The following SLC25A21 variants were observed in gnomAD, a reference collection of about 807,000 sequenced individuals.
SLC25A21 encodes mitochondrial 2-oxodicarboxylate carrier.
A neutral mutation model predicts 43.8 loss-of-function variants in SLC25A21; 47 were observed. That is an observed-to-expected ratio of 1.07 (90% CI 0.85 to 1.37). The LOEUF (loss-of-function observed/expected upper bound fraction) is 1.37. SLC25A21 is among the 40% of genes most tolerant of loss of function. The pLI is 0.00. For missense variants in SLC25A21, 352 were observed against 350.2 expected, an observed-to-expected ratio of 1.00 and a Z score of -0.04; for synonymous variants, 131 against 121.3, an observed-to-expected ratio of 1.08 and a Z score of -0.52.
At chr14:36,943,970 AATTT>A (rs1359876740) in intron 1 of SLC25A21, among the ~76,000 whole-genome samples, 1 of 152,150 alleles carries the variant, frequency 6.6e-6, no homozygotes, top group Non-Finnish European at 1.5e-5. Context: ...ATCACCACTA[AATTT>A]ATTAGAGGAG....
At chr14:36,842,351 G>C (rs1390615986) in intron 2 of SLC25A21, among the ~76,000 whole-genome samples, 1 of 152,150 alleles carries the variant, frequency 6.6e-6, no homozygotes, top group Non-Finnish European at 1.5e-5. Context: ...AGCCTTCCAA[G>C]AGATGACTTT....
At chr14:37,023,879 C>G (rs938660594) in intron 1 of SLC25A21, among the ~76,000 whole-genome samples, 1 of 151,816 alleles carries the variant, frequency 6.6e-6, no homozygotes, top group Non-Finnish European at 1.5e-5. Flanking sequence ...TCCAGCTTAG[C>G]CTCTGAGCTC....
intron 1 of SLC25A21, among the ~76,000 whole-genome samples, chr14:37,055,503 C>T (rs985787983): frequency 2.0e-5 from 3 of 152,110 alleles, no homozygotes; most frequent in African/African-American, 2.4e-5. Context: ...AGAAGAGACA[C>T]CATAGAACTT....
At chr14:36,852,418 C>T (rs1484289597) in intron 2 of SLC25A21, among the ~76,000 whole-genome samples, 2 of 152,154 alleles carry the variant, frequency 1.3e-5, no homozygotes, top group Non-Finnish European at 2.9e-5. Context: ...CCTGTTCACA[C>T]TTCATGTTGT....
chr14:37,036,574 G>A (rs117007342), intron 1 of SLC25A21, among the ~76,000 whole-genome samples: 2,178 of 152,142 alleles, frequency 0.014, 22 homozygotes, highest in Admixed American at 0.026. Flanking sequence ...GGGAGGACCC[G>A]TCTCTATTAA....
intron 1 of SLC25A21, among the ~76,000 whole-genome samples, chr14:36,961,662 G>T (rs1354687284): frequency 6.6e-6 from 1 of 152,050 alleles, no homozygotes; most frequent in Non-Finnish European, 1.5e-5. Context: ...ATGGCAACTG[G>T]GCTCTCCAGA....
intron 1 of SLC25A21, among the ~76,000 whole-genome samples, chr14:36,922,137 T>TAAAAA (rs564666171): frequency 0.11 from 14,387 of 130,796 alleles, 1,403 homozygotes; most frequent in African/African-American, 0.26. Flanking sequence ...AGATTCTGCC[T>TAAAAA]AAAAAAAAAA....
intron 1 of SLC25A21, among the ~76,000 whole-genome samples, chr14:36,893,796 A>C (rs1891157653): frequency 6.6e-6 from 1 of 152,194 alleles, no homozygotes; most frequent in Admixed American, 6.5e-5. Context: ...TTTATTAAAT[A>C]GGGAATCCTT....
At chr14:36,705,577 A>C (rs1450293146) in intron 7 of SLC25A21, among the ~76,000 whole-genome samples, 1 of 152,040 alleles carries the variant, frequency 6.6e-6, no homozygotes. Flanking sequence ...TCTCCCACTT[A>C]ATCTCTCTCT....
chr14:37,045,035 C>T (rs1961557887), intron 1 of SLC25A21, among the ~76,000 whole-genome samples: 1 of 152,208 alleles, frequency 6.6e-6, no homozygotes, highest in African/African-American at 2.4e-5. Flanking sequence ...TGGTTTCCCA[C>T]TCTCCTCTTC....
At chr14:36,943,750 G>A (rs1247487518) in intron 1 of SLC25A21, among the ~76,000 whole-genome samples, 4 of 152,060 alleles carry the variant, frequency 2.6e-5, no homozygotes, top group Admixed American at 1.3e-4. Flanking sequence ...AGAGAGCACT[G>A]CAAAGTCAGG....
At chr14:37,075,457 C>G (rs1730937651) in intron 1 of SLC25A21, among the ~76,000 whole-genome samples, 1 of 152,066 alleles carries the variant, frequency 6.6e-6, no homozygotes, top group African/African-American at 2.4e-5. Context: ...TGTATTGGTA[C>G]AGTATTAAAA....
At chr14:36,842,033 A>G (rs1889400579) in intron 2 of SLC25A21, among the ~76,000 whole-genome samples, 1 of 152,116 alleles carries the variant, frequency 6.6e-6, no homozygotes, top group Non-Finnish European at 1.5e-5. Flanking sequence ...TTCTCTTCCC[A>G]TGTTTCCACG....
chr14:36,679,040 A>T lies in SLC25A21; in HGVS notation c.*1618T>A. ...TAAACTGGCAAATGCACTCTTCAGA[A>T]ATCCTTTTCTATCTGATCCACATGG... On this transcript the variant is annotated 3_prime_UTR_variant, in exon 10 of 10. Transcript: ENST00000331299. 2.0e-6 allele frequency: 2 copies of T among 985,484 alleles called. No individual in the cohort carries two copies. Among genetic ancestry groups the T allele is most frequent in the Non-Finnish European group, 2.4e-6 (2 of 829,992 alleles). The allele number at this position is 985,484 out of a possible 1,614,324, so 61.0% of individuals were successfully genotyped here. A position where few individuals can be genotyped will look rare whatever the true frequency, so the allele number is the denominator to read the frequency against.
intron 4 of SLC25A21, among the ~76,000 whole-genome samples, chr14:36,732,136 C>T (rs1314972755): frequency 6.6e-6 from 1 of 152,026 alleles, no homozygotes; most frequent in Non-Finnish European, 1.5e-5. Context: ...AATTTTCTCT[C>T]TATGTATATT....
chr14:36,929,707 G>A (rs925313376), intron 1 of SLC25A21, among the ~76,000 whole-genome samples: 2 of 151,988 alleles, frequency 1.3e-5, no homozygotes, highest in African/African-American at 2.4e-5. Flanking sequence ...GAGTCACATC[G>A]ATTTACTTAA....
intron 3 of SLC25A21, among the ~76,000 whole-genome samples, chr14:36,737,077 C>A (rs1441829496): frequency 6.6e-6 from 1 of 152,084 alleles, no homozygotes; most frequent in African/African-American, 2.4e-5. Context: ...CATTTGATGG[C>A]CCTCAAGGCT....
rs748080970 is a variant in SLC25A21, at chr14:36,725,700, T to TTTTAAAACA, written c.331-24_331-23insTGTTTTAAA. ...TGTCTAGAAAAATTAAATCAATCAA[T>TTTTAAAACA]ACTTTAAAACAAGTTATCATGTGTA... On this transcript the variant is annotated intron_variant, in intron 5 of 9. Transcript: ENST00000331299. 44 of 1,518,018 alleles carry TTTTAAAACA rather than the reference T, an allele frequency of 2.9e-5. 2 individuals carry two copies. The South Asian group carries it at 4.0e-4, about 14-fold the overall frequency. The allele number at this position is 1,518,018 out of a possible 1,614,324, so 94.0% of individuals were successfully genotyped here.
At chr14:37,107,558 T>C (rs946465569) in intron 1 of SLC25A21, among the ~76,000 whole-genome samples, 3 of 152,180 alleles carry the variant, frequency 2.0e-5, no homozygotes, top group Non-Finnish European at 4.4e-5. Context: ...AATATTCATA[T>C]TTTATTTACC....
Sources: allele counts gnomAD v4.1 joint callset (sites outside exome capture counted in the v4.1 genomes callset), GRCh38; gene constraint gnomAD v4.1.1; transcripts MANE v1.5; gene names NCBI Gene and HGNC (gene_info 2026-07-23, HGNC 2026-07-21).